The following ANGEL2 variants were observed in gnomAD, a reference collection of about 807,000 sequenced individuals.
ANGEL2 encodes angel homolog 2, also known as RNA 2',3'-cyclic phosphatase ANGEL2.
A neutral mutation model predicts 66.0 loss-of-function variants in ANGEL2; 41 were observed. The ratio of observed to expected loss-of-function variants is 0.62; its 90% CI spans 0.48 to 0.81. The LOEUF (loss-of-function observed/expected upper bound fraction) is 0.81. Ranked by LOEUF, ANGEL2 falls within the 30% of genes least tolerant of loss-of-function variation. The probability of loss-of-function intolerance (pLI) is 0.00; values close to 1 mark genes in which losing one functional copy is unlikely to be tolerated. For synonymous variants in ANGEL2, 208 were observed against 226.5 expected, an observed-to-expected ratio of 0.92 and a Z score of 0.73; for missense variants, 561 against 641.6, an observed-to-expected ratio of 0.87 and a Z score of 1.36.
rs796333782 is a variant in ANGEL2, at chr1:213,015,515, G to GCCCGC, written c.59+93_59+97dup. The GCCCGC allele has an allele frequency of 1.5e-3, 1,810 of 1,245,824 alleles. 17 individuals are homozygous for GCCCGC. In the African/African-American group the frequency reaches 0.023, roughly 16 times the overall value. 77.2% of individuals were successfully genotyped at this position (1,245,824 alleles called of 1,614,324 possible). ...CCTCTTCCTCTTCCTTCCACCCCTA[G>GCCCGC]CCCGCCCCGCCCCGCCCCGGGTTAG... On this transcript the variant is annotated intron_variant, in intron 1 of 8. Transcript: ENST00000366962.
chr1:213,010,078 G>GA (rs1420972710), intron 2 of ANGEL2, among the ~76,000 whole-genome samples: 1 of 147,010 alleles, frequency 6.8e-6, no homozygotes, highest in Non-Finnish European at 1.5e-5. Context: ...AAGATGGAAA[G>GA]AAACAAAACC....
chr1:213,009,210 T>A (rs1352980597), intron 2 of ANGEL2, among the ~76,000 whole-genome samples: 1 of 152,126 alleles, frequency 6.6e-6, no homozygotes, highest in Non-Finnish European at 1.5e-5. Context: ...ATGAAAAGAA[T>A]AAAAAAACAC....
chr1:213,006,888 A>G (rs931479953), intron 4 of ANGEL2: 2 of 399,600 alleles, frequency 5.0e-6, no homozygotes, highest in Non-Finnish European at 8.8e-6. Flanking sequence ...ATGAATTTTC[A>G]AAAGTAAATT....
intron 2 of ANGEL2, chr1:213,011,235 C>G (rs2076500583): frequency 7.8e-7 from 1 of 1,289,204 alleles, no homozygotes; most frequent in Non-Finnish European, 1.0e-6. Flanking sequence ...ACAAGGTGAT[C>G]ACAGCAGAGA....
At chr1:213,010,231 G>A (rs1182651007) in intron 2 of ANGEL2, among the ~76,000 whole-genome samples, 2 of 151,986 alleles carry the variant, frequency 1.3e-5, no homozygotes, top group Non-Finnish European at 2.9e-5. Context: ...CAATTGTACT[G>A]GCTCTGCAGA....
At chr1:213,014,456 T>C (rs1244043338) in intron 1 of ANGEL2, among the ~76,000 whole-genome samples, 2 of 152,254 alleles carry the variant, frequency 1.3e-5, no homozygotes. Flanking sequence ...TAAAATCTAC[T>C]TAATTGTAAA....
intron 2 of ANGEL2, among the ~76,000 whole-genome samples, chr1:213,009,497 C>T (rs1464415204): frequency 6.6e-6 from 1 of 152,146 alleles, no homozygotes; most frequent in Non-Finnish European, 1.5e-5. Context: ...AGAATATCTC[C>T]CTCTATCCTG....
At chr1:213,000,257 A>G (rs1316204594) in intron 7 of ANGEL2, 69 bp downstream of exon 7, 48 of 1,428,986 alleles carry the variant, frequency 3.4e-5, no homozygotes, top group Non-Finnish European at 4.5e-5. Context: ...TATCCAAGTG[A>G]TTTTTGAGAA....
chr1:212,996,186 A>G (rs974783976), intron 8 of ANGEL2, among the ~76,000 whole-genome samples: 3 of 152,184 alleles, frequency 2.0e-5, no homozygotes, highest in East Asian at 1.9e-4. Context: ...GGGCGCCTGT[A>G]GTCCCAGTGG....
At chr1:213,015,465 G>A (rs1241558299) in intron 1 of ANGEL2, 148 bp downstream of exon 1, 1 of 1,452,426 alleles carries the variant, frequency 6.9e-7, no homozygotes, top group South Asian at 1.4e-5. Context: ...CTGGAGGCTC[G>A]TCCCGGATGC....
At chr1:212,995,215 T>TA in intron 8 of ANGEL2, 23 bp from the exon 9 acceptor site, 1 of 1,573,782 alleles carries the variant, frequency 6.4e-7, no homozygotes, top group Non-Finnish European at 8.6e-7. Flanking sequence ...AGCACACACA[T>TA]ATTTAGTAAA....
rs1435617615 is a variant in ANGEL2 at position 212,995,061 on chromosome 1, T to C, written c.1615A>G (p.Lys539Glu). 6.2e-7 allele frequency: 1 copy of C among 1,609,592 alleles called. No homozygotes were observed. Among genetic ancestry groups the C allele is most frequent in the Non-Finnish European group, 8.5e-7 (1 of 1,178,030 alleles). ...NSSDHLPLLA[K>E]FRLEL ...GAGAGTCAGAGCTCAAGTCTGAACT[T>C]TGCCAATAAAGGCAGATGATCTGAA... The change falls in exon 9 of 9, where the codon AAG becomes GAG. Residue 539 changes from lysine (K) to glutamate (E), a missense_variant. Coordinates refer to ENST00000366962, the MANE Select transcript of ANGEL2 (RefSeq NM_144567.5).
At chr1:213,014,366 T>C (rs1196538141) in intron 1 of ANGEL2, among the ~76,000 whole-genome samples, 1 of 152,256 alleles carries the variant, frequency 6.6e-6, no homozygotes, top group African/African-American at 2.4e-5. Flanking sequence ...TATTTAACTT[T>C]ATACGCTGTT....
At chr1:213,000,676 A>T in intron 6 of ANGEL2, 110 bp downstream of exon 6, 3 of 1,186,644 alleles carry the variant, frequency 2.5e-6, no homozygotes, top group Non-Finnish European at 3.4e-6. Context: ...ACATATTTAT[A>T]TATATGAATA....
Position 213,008,426 on chromosome 1 carries a change from A to G in ANGEL2, c.426T>C (p.Asp142=), listed in dbSNP as rs1215206091. 5 of 1,614,018 alleles carry G rather than the reference A, an allele frequency of 3.1e-6. No individual in the cohort carries two copies. Among genetic ancestry groups the G allele is most frequent in the Non-Finnish European group, 1.7e-6 (2 of 1,179,954 alleles). The change falls in exon 3 of 9, where the codon GAT becomes GAC. Residue 142 remains aspartate, a synonymous_variant. Transcript: ENST00000366962. ...CTCCTAGGATCTTCGTTTTTTCTTT[A>G]TCATGGCTACATATATATTCCCAAT... ...KRNWEYICSH[D]KEKTKILGDK...
Position 213,000,383 on chromosome 1 carries a change from T to G in ANGEL2, c.1262A>C (p.Asp421Ala), listed in dbSNP as rs770042443. 2 of 1,612,456 alleles carry G rather than the reference T, an allele frequency of 1.2e-6. No homozygotes were observed. Among genetic ancestry groups the G allele is most frequent in the Non-Finnish European group, 1.7e-6 (2 of 1,178,628 alleles). ...CAGCTGTGTTTGTGTCAGATCACTG[T>G]CTGTAAGAATAGAGGAAAATATATT... is the stretch of plus-strand genomic sequence containing the variant. ...VQQVPKVEKT[D>A]SDLTQTQLKQ... is the part of the protein sequence containing the mutation. Residue 421 changes from aspartate to alanine, a missense_variant and splice_region_variant, in exon 7 of 9, where the codon GAC becomes GCC. Coordinates refer to ENST00000366962, the MANE Select transcript of ANGEL2 (RefSeq NM_144567.5).
intron 5 of ANGEL2, among the ~76,000 whole-genome samples, chr1:213,003,547 A>G (rs1346418006): frequency 6.6e-6 from 1 of 152,094 alleles, no homozygotes; most frequent in African/African-American, 2.4e-5. Context: ...AAGTAGGGGG[A>G]GAGAGATGAT....
Position 213,005,187 on chromosome 1 carries a change from A to G in ANGEL2, c.980T>C (p.Met327Thr). The change falls in exon 5 of 9, where the codon ATG becomes ACG. Residue 327 changes from methionine to threonine, a missense_variant. Physicochemically the swap from Met to Thr is moderately conservative, Grantham distance 81 (BLOSUM62 -1). Transcript: ENST00000366962. ...AACACTGGAAATCTCTGCCAGTAGCATTGCCAATTGCGTCAGCTTAATATC... is the reference window on the plus strand; with the variant it reads ...AACACTGGAAATCTCTGCCAGTAGCGTTGCCAATTGCGTCAGCTTAATATC... Reference protein sequence around the residue: ...RGDIKLTQLAMLLAEISSVAH... With the variant: ...RGDIKLTQLATLLAEISSVAH... 2.5e-6 allele frequency: 4 copies of G among 1,614,268 alleles called. No homozygotes were observed. The highest frequency in any genetic ancestry group is 3.4e-6 in the Non-Finnish European group (4 of 1,180,040).
intron 1 of ANGEL2, among the ~76,000 whole-genome samples, chr1:213,014,201 T>C (rs1444859420): frequency 6.6e-6 from 1 of 152,224 alleles, no homozygotes; most frequent in African/African-American, 2.4e-5. Flanking sequence ...TAAAGCACCA[T>C]GTTCCTCTCA....
Sources: gnomAD v4.1 joint callset for allele counts (sites outside exome capture counted in the v4.1 genomes callset) on GRCh38, gnomAD v4.1.1 for gene constraint, MANE v1.5 for transcripts, NCBI Gene and HGNC (gene_info 2026-07-23, HGNC 2026-07-21) for gene names.